DHDH: variants seen among roughly 807,000 people sequenced by gnomAD.
DHDH encodes trans-1,2-dihydrobenzene-1,2-diol dehydrogenase.
DHDH carries 29 observed loss-of-function variants against 33.2 expected under a neutral mutation model. The observed-to-expected ratio is 0.87, with a 90% CI of 0.65 to 1.19. The LOEUF (loss-of-function observed/expected upper bound fraction) is 1.19, where lower values mean the gene tolerates loss of function less well. Ranked by LOEUF, DHDH falls within the 50% of genes most tolerant of loss-of-function variation. The pLI, the probability that DHDH is intolerant of heterozygous loss-of-function variation, is 0.00. For missense variants in DHDH, 431 were observed against 455.0 expected (o/e 0.95, Z 0.48); for synonymous variants, 201 against 187.9 (o/e 1.07, Z -0.57).
In DHDH at chr19:48,934,957, C is replaced by T. The variant is rs1025927728; in HGVS notation, c.91-43C>T. The T allele has an allele frequency of 1.1e-5, 16 of 1,459,698 alleles. No individual in the cohort carries two copies. In the Admixed American group the frequency reaches 1.4e-4, roughly 12 times the overall value. The allele number at this position is 1,459,698 out of a possible 1,614,324, so 90.4% of individuals were successfully genotyped here. ...TTGCCTCCCTTCCACCCAGTTTCCACGCCTGCCTCAGCCCCTCAAATCCGA... is the reference window on the plus strand; with the variant it reads ...TTGCCTCCCTTCCACCCAGTTTCCATGCCTGCCTCAGCCCCTCAAATCCGA... On this transcript the variant is annotated intron_variant, in intron 1 of 6. Coordinates refer to ENST00000221403, the MANE Select transcript of DHDH (RefSeq NM_014475.4).
intron 4 of DHDH, 95 bp from the exon 5 acceptor site, chr19:48,942,345 T>C (rs1568598302): frequency 1.5e-6 from 2 of 1,331,338 alleles, no homozygotes; most frequent in African/African-American, 2.9e-5. Flanking sequence ...AAGTGAAGTC[T>C]CTTGCCCAAG....
chr19:48,938,182 C>T (rs1246091958), intron 3 of DHDH, among the ~76,000 whole-genome samples: 1 of 152,080 alleles, frequency 6.6e-6, no homozygotes, highest in East Asian at 1.9e-4. Flanking sequence ...CTGCAACCTC[C>T]GCTGCCCGGC....
chr19:48,934,966 C>T, intron 1 of DHDH, 34 bp from the exon 2 acceptor site: 1 of 1,491,770 alleles, frequency 6.7e-7, no homozygotes, highest in Non-Finnish European at 9.0e-7. Flanking sequence ...ACGCCTGCCT[C>T]AGCCCCTCAA....
intron 3 of DHDH, among the ~76,000 whole-genome samples, chr19:48,936,742 A>G (rs1181936978): frequency 6.6e-6 from 1 of 151,668 alleles, no homozygotes; most frequent in Non-Finnish European, 1.5e-5. Context: ...AAAAGATGCC[A>G]AGAGTGAAAG....
chr19:48,942,027 T>TGTGTGTGTGA (rs1491409027), intron 4 of DHDH, among the ~76,000 whole-genome samples: 6 of 134,644 alleles, frequency 4.5e-5, no homozygotes, highest in African/African-American at 1.6e-4. Context: ...TGTGTGTGTG[T>TGTGTGTGTGA]GATGGAGTCT....
In DHDH at chr19:48,935,086, G is replaced by A. The variant is rs1385656880; in HGVS notation, c.177G>A (p.Glu59=). Residue 59 remains glutamate, a synonymous_variant, in exon 2 of 7, where the codon GAG becomes GAA. Coordinates refer to ENST00000221403, the MANE Select transcript of DHDH (RefSeq NM_014475.4). ...HDIPKAYGSY[E]ELAKDPSVEV... is the part of the protein sequence containing the mutation. ...TCCCCAAGGCCTACGGCTCCTATGA[G>A]GAGCTGGCCAAGGACCCGAGCGTGG... 1 of 1,584,992 alleles carries A rather than the reference G, an allele frequency of 6.3e-7. No homozygotes were observed. The highest frequency in any genetic ancestry group is 1.8e-5 in the Admixed American group (1 of 56,054).
At chr19:48,944,742 C>A in intron 6 of DHDH, 82 bp from the exon 7 acceptor site, 1 of 1,334,046 alleles carries the variant, frequency 7.5e-7, no homozygotes. Context: ...GTATATTGTG[C>A]CACATGGAAT....
Position 48,944,515 on chromosome 19 carries a change from T to A in DHDH, c.895+8T>A. 6.3e-7 allele frequency: 1 copy of A among 1,591,458 alleles called. No individual in the cohort carries two copies. The highest frequency in any genetic ancestry group is 8.6e-7 in the Non-Finnish European group (1 of 1,165,008). On this transcript the variant is annotated splice_region_variant and intron_variant, in intron 6 of 6. Coordinates refer to ENST00000221403, the MANE Select transcript of DHDH (RefSeq NM_014475.4). ...GGGAGTGCCTACGCAAGGGTAAGGA[T>A]ATGGATGCGGGGCAGGCGCCAGGCC...
intron 6 of DHDH, 151 bp downstream of exon 6, chr19:48,944,658 G>T (rs533521085): frequency 8.7e-5 from 112 of 1,293,484 alleles, no homozygotes; most frequent in South Asian, 1.7e-4. Flanking sequence ...CCTGGGCAAC[G>T]GAACAAGACT....
intron 3 of DHDH, among the ~76,000 whole-genome samples, chr19:48,938,886 G>A (rs1319057663): frequency 6.6e-6 from 1 of 152,020 alleles, no homozygotes; most frequent in African/African-American, 2.4e-5. Context: ...GGCTGGTCTC[G>A]AACTCCTGAC....
At position 48,936,112 on chromosome 19, in the gene DHDH, T is replaced by A. The variant is rs150150272; in HGVS notation, c.283T>A (p.Cys95Ser). Residue 95 changes from cysteine to serine, a missense_variant, in exon 3 of 7, where the codon TGC (cysteine) becomes AGC (serine). Physicochemically the swap from Cys to Ser is moderately radical, Grantham distance 112. Coordinates refer to ENST00000221403, the MANE Select transcript of DHDH (RefSeq NM_014475.4). ...LCLAAGKAVL[C>S]EKPTGVNAAE... Reference sequence around the variant, plus strand: ...CTTGGCGGCGGGCAAGGCCGTTCTGTGCGAGAAGCCCACGGGCGTGAACGC... The same window carrying A: ...CTTGGCGGCGGGCAAGGCCGTTCTGAGCGAGAAGCCCACGGGCGTGAACGC... 6.7e-5 allele frequency: 108 copies of A among 1,611,532 alleles called. No homozygotes were observed. The highest frequency in any genetic ancestry group is 8.4e-5 in the Non-Finnish European group (99 of 1,179,526).
At chr19:48,933,155 T>C (rs2037726048), upstream of DHDH, among the ~76,000 whole-genome samples, 1 of 152,124 alleles carries the variant, frequency 6.6e-6, no homozygotes, top group Non-Finnish European at 1.5e-5. Context: ...CTTTGTGAAC[T>C]GGGGACAATA....
intron 2 of DHDH, 146 bp downstream of exon 2, chr19:48,935,257 C>T (rs1002763753): frequency 8.3e-6 from 5 of 601,554 alleles, no homozygotes; most frequent in Non-Finnish European, 1.3e-5. Flanking sequence ...AACTATAAAA[C>T]GGGCTTGGTC....
chr19:48,938,445 C>T (rs1337382350), intron 3 of DHDH, among the ~76,000 whole-genome samples: 2 of 152,130 alleles, frequency 1.3e-5, no homozygotes, highest in South Asian at 2.1e-4. Context: ...CATTTTTCTA[C>T]ATAGATGATG....
At chr19:48,944,215 A>G (rs765971695) in intron 5 of DHDH, 142 bp from the exon 6 acceptor site, 7 of 1,100,840 alleles carry the variant, frequency 6.4e-6, no homozygotes, top group Non-Finnish European at 9.2e-6. Flanking sequence ...GAGGGTCCAA[A>G]GCTCCCCGGG....
intron 4 of DHDH, among the ~76,000 whole-genome samples, chr19:48,941,484 C>T (rs180901580): frequency 6.6e-5 from 10 of 152,066 alleles, no homozygotes; most frequent in East Asian, 3.9e-4. Flanking sequence ...TAAATTCAAG[C>T]GATTCTCCTC....
chr19:48,939,833 C>A, intron 4 of DHDH, 132 bp downstream of exon 4: 1 of 1,315,594 alleles, frequency 7.6e-7, no homozygotes. Flanking sequence ...TCCATGAAGC[C>A]AGAGAGGATC....
rs894839388 is a variant in DHDH, at chr19:48,941,743, T to G, written c.620-697T>G. 2.0e-5 allele frequency among the ~76,000 whole-genome samples: 3 copies of G among 151,194 alleles called. No homozygotes were observed. In the East Asian group the frequency reaches 5.8e-4, roughly 29 times the overall value. Reference sequence around the variant, plus strand: ...AGGCTGAGTGCAGTGGCACAATCATTGCTCACTGCAACCTTGACCTCCCAG... The same window carrying G: ...AGGCTGAGTGCAGTGGCACAATCATGGCTCACTGCAACCTTGACCTCCCAG... On this transcript the variant is annotated intron_variant, in intron 4 of 6. Coordinates refer to ENST00000221403, the MANE Select transcript of DHDH (RefSeq NM_014475.4).
intron 4 of DHDH, among the ~76,000 whole-genome samples, chr19:48,940,943 G>A (rs1042430402): frequency 1.3e-5 from 2 of 151,238 alleles, no homozygotes; most frequent in Non-Finnish European, 2.9e-5. Flanking sequence ...CTGCCTCCCC[G>A]AGAGCTGGGA....
Sources: gnomAD v4.1 joint callset for allele counts (sites outside exome capture counted in the v4.1 genomes callset) on GRCh38, gnomAD v4.1.1 for gene constraint, MANE v1.5 for transcripts, NCBI Gene and HGNC (gene_info 2026-07-23, HGNC 2026-07-21) for gene names.